Variants in CALN1 observed in about 807,000 individuals in gnomAD.
CALN1 encodes the protein calneuron 1.
In CALN1, 17 loss-of-function variants were observed where a neutral mutation model predicts 30.6. The ratio of observed to expected loss-of-function variants is 0.56; its 90% CI spans 0.38 to 0.83. The LOEUF is 0.83. Among genes scored for constraint, CALN1 ranks in the 40% least tolerant of loss-of-function variants. The probability of loss-of-function intolerance (pLI) is 0.00; values close to 1 mark genes in which losing one functional copy is unlikely to be tolerated. For missense variants in CALN1, 291 were observed against 354.9 expected (o/e 0.82, Z 1.45); for synonymous variants, 156 against 131.4 (o/e 1.19, Z -1.28).
intron 5 of CALN1, among the ~76,000 whole-genome samples, chr7:71,929,681 T>C (rs1184669688): frequency 1.3e-5 from 2 of 152,248 alleles, no homozygotes; most frequent in Non-Finnish European, 2.9e-5. Context: ...TTTTTGGCTA[T>C]TGTGAACAAT....
chr7:72,350,367 T>C (rs1173780100), intron 2 of CALN1, among the ~76,000 whole-genome samples: 2 of 152,224 alleles, frequency 1.3e-5, no homozygotes, highest in South Asian at 2.1e-4. Flanking sequence ...ATAGTAAAGA[T>C]ATGGAATGAA....
intron 2 of CALN1, among the ~76,000 whole-genome samples, chr7:72,382,686 C>T (rs904861796): frequency 2.6e-5 from 4 of 152,238 alleles, no homozygotes; most frequent in East Asian, 1.9e-4. Context: ...CAATGTTTAG[C>T]TCCCACTTAT....
In CALN1 at chr7:72,283,494, C is replaced by T. The variant is rs540035370; in HGVS notation, c.120-4684G>A. On this transcript the variant is annotated intron_variant, in intron 2 of 6. Coordinates refer to ENST00000395275, the MANE Select transcript of CALN1 (RefSeq NM_031468.4). ...AGACTTCAGAGAGCTATGATCCCACCACTGTACTCCAGCCTGAGTGACAGA... is the reference window on the plus strand; with the variant it reads ...AGACTTCAGAGAGCTATGATCCCACTACTGTACTCCAGCCTGAGTGACAGA... 1.1e-4 allele frequency among the ~76,000 whole-genome samples: 16 copies of T among 151,264 alleles called. 1 individual carries two copies. In the South Asian group the frequency reaches 3.2e-3, roughly 30 times the overall value.
At chr7:71,841,458 T>C (rs1789933072) in intron 5 of CALN1, among the ~76,000 whole-genome samples, 1 of 152,152 alleles carries the variant, frequency 6.6e-6, no homozygotes, top group African/African-American at 2.4e-5. Flanking sequence ...TCCCAGAGAA[T>C]TCAAAACAGA....
chr7:72,241,806 A>T (rs1246667937), intron 3 of CALN1, among the ~76,000 whole-genome samples: 6 of 152,216 alleles, frequency 3.9e-5, no homozygotes, highest in Non-Finnish European at 7.3e-5. Flanking sequence ...TTTGTCTCCA[A>T]ACAAAAGCAG....
chr7:71,905,392 T>G (rs1322208343), intron 5 of CALN1, among the ~76,000 whole-genome samples: 6 of 151,876 alleles, frequency 4.0e-5, no homozygotes, highest in Admixed American at 3.9e-4. Flanking sequence ...GTTTTTTTTT[T>G]TTTTATCTCT....
chr7:72,019,200 C>T (rs988573331), intron 5 of CALN1, among the ~76,000 whole-genome samples: 2 of 152,028 alleles, frequency 1.3e-5, no homozygotes, highest in Admixed American at 6.6e-5. Flanking sequence ...GATAGGATTG[C>T]TTCTCAGTGA....
At chr7:71,848,831 T>G (rs1031535220) in intron 5 of CALN1, among the ~76,000 whole-genome samples, 3 of 152,144 alleles carry the variant, frequency 2.0e-5, no homozygotes, top group Non-Finnish European at 4.4e-5. Context: ...GAAAACAAAC[T>G]TGGAAAGCTC....
chr7:72,114,539 T>C (rs960886061), intron 3 of CALN1, among the ~76,000 whole-genome samples: 2 of 151,978 alleles, frequency 1.3e-5, no homozygotes, highest in African/African-American at 2.4e-5. Context: ...GATCGCTGCA[T>C]AGAAAATGCT....
chr7:72,068,829 C>A (rs937440121), intron 4 of CALN1, among the ~76,000 whole-genome samples: 1 of 152,102 alleles, frequency 6.6e-6, no homozygotes, highest in Admixed American at 6.5e-5. Flanking sequence ...ATTAATAATA[C>A]TCACTTAGCT....
chr7:72,012,382 G>A (rs1294826666), intron 5 of CALN1, among the ~76,000 whole-genome samples: 11 of 152,060 alleles, frequency 7.2e-5, no homozygotes, highest in African/African-American at 1.9e-4. Context: ...GTGTGGTGGC[G>A]GGTGCCTGTA....
At chr7:72,320,487 G>A (rs1800796673) in intron 2 of CALN1, among the ~76,000 whole-genome samples, 1 of 152,138 alleles carries the variant, frequency 6.6e-6, no homozygotes. Context: ...TGGGACCTAG[G>A]ATGACATAAG....
At chr7:72,113,808 T>A (rs901733152) in intron 3 of CALN1, among the ~76,000 whole-genome samples, 1 of 152,226 alleles carries the variant, frequency 6.6e-6, no homozygotes, top group South Asian at 2.1e-4. Context: ...GACCCTTTCA[T>A]GTAGGCCACA....
At chr7:72,003,829 G>C (rs562716888) in intron 5 of CALN1, among the ~76,000 whole-genome samples, 1 of 152,074 alleles carries the variant, frequency 6.6e-6, no homozygotes, top group Admixed American at 6.6e-5. Flanking sequence ...GAATGATCCC[G>C]AAACCATCCC....
At chr7:72,492,985 C>A in the CALN1 span, among the ~76,000 whole-genome samples, 2 of 152,168 alleles carry the variant, frequency 1.3e-5, 1 homozygote, top group African/African-American at 4.8e-5. Context: ...TTTTTTACAG[C>A]TTTGAGATAG....
intron 3 of CALN1, among the ~76,000 whole-genome samples, chr7:72,220,568 T>C (rs1427374983): frequency 1.3e-5 from 2 of 152,208 alleles, no homozygotes; most frequent in African/African-American, 2.4e-5. Context: ...AGTAATGGGA[T>C]GGCTGGGTCA....
At chr7:72,082,011 G>C (rs1282881161) in intron 4 of CALN1, among the ~76,000 whole-genome samples, 1 of 151,982 alleles carries the variant, frequency 6.6e-6, no homozygotes, top group African/African-American at 2.4e-5. Flanking sequence ...TTTTGAGACA[G>C]AGTCTTGCTC....
intron 5 of CALN1, among the ~76,000 whole-genome samples, chr7:71,818,310 A>G (rs1381881503): frequency 6.6e-6 from 1 of 152,024 alleles, no homozygotes; most frequent in African/African-American, 2.4e-5. Flanking sequence ...TAAGGAGGGA[A>G]GAGGAGACGG....
At chr7:72,088,085 T>C (rs1805600373) in intron 4 of CALN1, among the ~76,000 whole-genome samples, 1 of 152,150 alleles carries the variant, frequency 6.6e-6, no homozygotes, top group Admixed American at 6.5e-5. Flanking sequence ...GGAAGATCGC[T>C]TGAGCCCAGG....
Sources: allele counts gnomAD v4.1 joint callset (sites outside exome capture counted in the v4.1 genomes callset), GRCh38; gene constraint gnomAD v4.1.1; transcripts MANE v1.5; gene names NCBI Gene and HGNC (gene_info 2026-07-23, HGNC 2026-07-21).